Variants in FOXP2 observed in about 807,000 individuals in gnomAD.
FOXP2 encodes forkhead box protein P2.
Under a neutral mutation model 115.8 loss-of-function variants are expected in FOXP2, and 12 were observed. That is an observed-to-expected ratio of 0.10 (90% CI 0.07 to 0.17). The LOEUF is 0.17. Ranked by LOEUF, FOXP2 falls within the 10% of genes least tolerant of loss-of-function variation. The probability of loss-of-function intolerance (pLI) is 1.00; values close to 1 mark genes in which losing one functional copy is unlikely to be tolerated. For missense variants in FOXP2, 629 were observed against 843.5 expected, an observed-to-expected ratio of 0.75 and a Z score of 3.15; for synonymous variants, 328 against 297.7, an observed-to-expected ratio of 1.10 and a Z score of -1.05.
rs1486677091 is a variant in FOXP2, at chr7:114,659,274, C to T, written c.1469-82C>T. ...TGGCTTCCTCACTGAATCACTTTAC[C>T]AATACTAGAGGAAATATGAAAATTC... is the stretch of plus-strand genomic sequence containing the variant. On this transcript the variant is annotated intron_variant, in intron 11 of 16. Transcript: ENST00000350908. 1.4e-5 allele frequency: 14 copies of T among 1,015,008 alleles called. No individual in the cohort carries two copies. The East Asian group carries it at 3.5e-4, about 26-fold the overall frequency. 62.9% of individuals were successfully genotyped at this position (1,015,008 alleles called of 1,614,324 possible).
chr7:114,194,761 T>C (rs1793859090), intron 1 of FOXP2, among the ~76,000 whole-genome samples: 1 of 152,162 alleles, frequency 6.6e-6, no homozygotes, highest in Non-Finnish European at 1.5e-5. Context: ...ATACAAAATA[T>C]AACTTTGAGA....
chr7:114,271,711 A>C (rs1301082337), intron 1 of FOXP2, among the ~76,000 whole-genome samples: 1 of 117,588 alleles, frequency 8.5e-6, no homozygotes, highest in Non-Finnish European at 1.6e-5. Context: ...TATATTATTT[A>C]ATACATATGT....
At chr7:114,333,870 C>A (rs899706220) in intron 2 of FOXP2, among the ~76,000 whole-genome samples, 3 of 150,416 alleles carry the variant, frequency 2.0e-5, no homozygotes, top group Non-Finnish European at 4.4e-5. Context: ...CTTGGGTGAC[C>A]GAGTGAGACT....
At chr7:114,228,837 G>A (rs1794804488) in intron 1 of FOXP2, among the ~76,000 whole-genome samples, 1 of 151,152 alleles carries the variant, frequency 6.6e-6, no homozygotes, top group Admixed American at 6.6e-5. Context: ...AGGGAAAAAG[G>A]GACAAAAGAG....
chr7:114,251,337 G>A (rs531886984), intron 1 of FOXP2, among the ~76,000 whole-genome samples: 1 of 152,318 alleles, frequency 6.6e-6, no homozygotes, highest in South Asian at 2.1e-4. Flanking sequence ...TGTGAAGAAA[G>A]TCATTGGTAG....
At chr7:114,485,765 C>T (rs1403042943) in intron 2 of FOXP2, among the ~76,000 whole-genome samples, 2 of 152,050 alleles carry the variant, frequency 1.3e-5, no homozygotes, top group African/African-American at 4.8e-5. Context: ...GAGATGAGTA[C>T]TGTTCACTTA....
chr7:114,388,394 CTTT>C (rs753810702), intron 2 of FOXP2, among the ~76,000 whole-genome samples: 2 of 104,846 alleles, frequency 1.9e-5, no homozygotes, highest in Non-Finnish European at 4.4e-5. Context: ...GAACTTATCT[CTTT>C]TTTTTTTTTT....
chr7:114,294,893 T>C (rs928952074), intron 2 of FOXP2, among the ~76,000 whole-genome samples: 1 of 151,902 alleles, frequency 6.6e-6, no homozygotes, highest in Non-Finnish European at 1.5e-5. Context: ...CATACATACA[T>C]ACATGCATGC....
intron 3 of FOXP2, chr7:114,561,311 C>T (rs1450662258): frequency 2.0e-5 from 3 of 151,752 alleles, no homozygotes; most frequent in East Asian, 1.9e-4. Context: ...TTTTTTTTCT[C>T]GAAGAATTTT....
intron 2 of FOXP2, among the ~76,000 whole-genome samples, chr7:114,403,949 T>G (rs1365758171): frequency 6.6e-6 from 1 of 152,196 alleles, no homozygotes; most frequent in Non-Finnish European, 1.5e-5. Context: ...ACTTATGTCT[T>G]GGGTTAAGAA....
chr7:114,348,449 G>T (rs567425180), intron 2 of FOXP2, among the ~76,000 whole-genome samples: 1 of 151,784 alleles, frequency 6.6e-6, no homozygotes, highest in South Asian at 2.1e-4. Flanking sequence ...GTCTCCCATA[G>T]ATTTTTAGTC....
chr7:114,325,272 C>T (rs1797527299), intron 2 of FOXP2, among the ~76,000 whole-genome samples: 1 of 151,814 alleles, frequency 6.6e-6, no homozygotes, highest in Non-Finnish European at 1.5e-5. Context: ...CCCAGACTAT[C>T]CAGAATGTAA....
At chr7:114,222,364 G>A (rs1206968860) in intron 1 of FOXP2, among the ~76,000 whole-genome samples, 1 of 152,064 alleles carries the variant, frequency 6.6e-6, no homozygotes, top group African/African-American at 2.4e-5. Flanking sequence ...AGCCCGGGCT[G>A]TTCTTGAACT....
intron 2 of FOXP2, among the ~76,000 whole-genome samples, chr7:114,393,568 G>A (rs989643468): frequency 5.9e-5 from 9 of 152,108 alleles, no homozygotes; most frequent in African/African-American, 2.2e-4. Context: ...GGGGTAGGCA[G>A]CCTGGTGTGG....
chr7:114,490,005 C>G (rs758066770), intron 2 of FOXP2, among the ~76,000 whole-genome samples: 4 of 152,176 alleles, frequency 2.6e-5, no homozygotes, highest in African/African-American at 9.6e-5. Flanking sequence ...CAGCCACTTC[C>G]GAAGTCAGTT....
At chr7:114,518,757 C>T (rs956001984) in intron 2 of FOXP2, among the ~76,000 whole-genome samples, 2 of 152,206 alleles carry the variant, frequency 1.3e-5, no homozygotes, top group East Asian at 1.9e-4. Flanking sequence ...CTTCCCGCCT[C>T]GGCCTCCCAA....
Position 114,188,971 on chromosome 7 carries a change from A to G in FOXP2, c.-102+25883A>G, listed in dbSNP as rs551874249. ...AACATTTAAATTCTGAACAGCTTTC[A>G]GAGTAATTCATGAGCTACAGTTGAA... On this transcript the variant is annotated intron_variant, in intron 1 of 17. Coordinates refer to the FOXP2 transcript ENST00000634411. 9.8e-5 allele frequency among the ~76,000 whole-genome samples: 15 copies of G among 152,334 alleles called. No individual in the cohort carries two copies. The South Asian group carries it at 3.1e-3, about 32-fold the overall frequency.
chr7:114,122,467 A>T (rs1271400146), intron 1 of FOXP2, among the ~76,000 whole-genome samples: 4 of 142,834 alleles, frequency 2.8e-5, no homozygotes, highest in African/African-American at 1.1e-4. Flanking sequence ...TACAACCTTC[A>T]TGTTGTACTG....
At chr7:114,652,140 G>A (rs749146488) in intron 8 of FOXP2, 63 bp from the exon 9 acceptor site, 9 of 1,477,310 alleles carry the variant, frequency 6.1e-6, no homozygotes, top group Non-Finnish European at 8.5e-6. Context: ...CTTTTTAAGT[G>A]TAGCCTATGC....
Sources: allele counts gnomAD v4.1 joint callset (sites outside exome capture counted in the v4.1 genomes callset), GRCh38; gene constraint gnomAD v4.1.1; transcripts MANE v1.5; gene names NCBI Gene and HGNC (gene_info 2026-07-23, HGNC 2026-07-21).